The following RPGRIP1L variants were observed in gnomAD, a reference collection of about 807,000 sequenced individuals.
RPGRIP1L encodes protein fantom.
Under a neutral mutation model 160.4 loss-of-function variants are expected in RPGRIP1L, and 131 were observed. That is an observed-to-expected ratio of 0.82 (90% CI 0.71 to 0.94). RPGRIP1L has a LOEUF of 0.94. Ranked by LOEUF, RPGRIP1L falls within the 40% of genes least tolerant of loss-of-function variation. The probability of loss-of-function intolerance (pLI) is 0.00; values close to 1 mark genes in which losing one functional copy is unlikely to be tolerated. For missense variants in RPGRIP1L, 1,522 were observed against 1,535.8 expected, an observed-to-expected ratio of 0.99 and a Z score of 0.15; for synonymous variants, 510 against 515.8, an observed-to-expected ratio of 0.99 and a Z score of 0.15.
chr16:53,646,995 C>T (rs1966597651), intron 16 of RPGRIP1L, among the ~76,000 whole-genome samples: 1 of 140,634 alleles, frequency 7.1e-6, no homozygotes, highest in Non-Finnish European at 1.6e-5. Flanking sequence ...AGTACCTCCA[C>T]TTCTCCCCTT....
chr16:53,680,282 A>T (rs1432471979), intron 6 of RPGRIP1L, among the ~76,000 whole-genome samples: 3 of 152,158 alleles, frequency 2.0e-5, no homozygotes, highest in African/African-American at 7.2e-5. Flanking sequence ...AATATATTTT[A>T]AAAAATGACA....
intron 9 of RPGRIP1L, among the ~76,000 whole-genome samples, chr16:53,668,048 A>G (rs1490972982): frequency 1.3e-5 from 2 of 150,254 alleles, no homozygotes; most frequent in Non-Finnish European, 3.0e-5. Context: ...ACAGAGCAAG[A>G]TCCTGTCTCT....
At chr16:53,673,263 T>C (rs76259720) in intron 7 of RPGRIP1L, among the ~76,000 whole-genome samples, 3 of 152,180 alleles carry the variant, frequency 2.0e-5, no homozygotes, top group Admixed American at 6.5e-5. Flanking sequence ...CATATTTTAT[T>C]TCCTCCTAGT....
rs1964627347 is a variant in RPGRIP1L, at chr16:53,620,323, A to G, written c.3433-1115T>C. Among the ~76,000 whole-genome samples the G allele has an allele frequency of 2.0e-5, 3 of 152,196 alleles. No homozygotes were observed. In the South Asian group the frequency reaches 6.2e-4, roughly 31 times the overall value. ...TGTCAAACCCTCTCAATATTTGATG[A>G]AGTAATTTTACCCCCTTCTTTCAAA... On this transcript the variant is annotated intron_variant, in intron 23 of 26. Transcript: ENST00000647211.
At chr16:53,691,495 T>G (rs1437406409) in intron 4 of RPGRIP1L, among the ~76,000 whole-genome samples, 1 of 152,222 alleles carries the variant, frequency 6.6e-6, no homozygotes, top group Non-Finnish European at 1.5e-5. Flanking sequence ...TATCCTTACT[T>G]GTTTCAATCC....
intron 22 of RPGRIP1L, among the ~76,000 whole-genome samples, chr16:53,630,128 C>G (rs910165843): frequency 6.6e-6 from 1 of 152,092 alleles, no homozygotes; most frequent in Non-Finnish European, 1.5e-5. Flanking sequence ...CTCTGCAGCC[C>G]TGAACTCCTG....
intron 6 of RPGRIP1L, among the ~76,000 whole-genome samples, chr16:53,680,077 T>A (rs982223242): frequency 6.6e-6 from 1 of 152,210 alleles, no homozygotes. Flanking sequence ...ATGCATACAC[T>A]CATATACTAG....
At chr16:53,611,463 A>T (rs1027837410) in intron 24 of RPGRIP1L, among the ~76,000 whole-genome samples, 1 of 152,242 alleles carries the variant, frequency 6.6e-6, no homozygotes, top group Non-Finnish European at 1.5e-5. Flanking sequence ...TGACAGCCTC[A>T]GTAATTTAAT....
At chr16:53,679,161 G>A (rs74018185) in intron 6 of RPGRIP1L, among the ~76,000 whole-genome samples, 1,622 of 152,174 alleles carry the variant, frequency 0.011, 16 homozygotes, top group Middle Eastern at 0.054. Flanking sequence ...TGTGGTGTTG[G>A]GTCAAACTAT....
chr16:53,641,297 G>A lies in RPGRIP1L; in HGVS notation c.2862C>T (p.Ser954=). 1 of 1,613,844 alleles carries A rather than the reference G, an allele frequency of 6.2e-7. No homozygotes were observed. Among genetic ancestry groups the A allele is most frequent in the Non-Finnish European group, 8.5e-7 (1 of 1,179,850 alleles). Residue 954 remains serine, a synonymous_variant, in exon 18 of 27, where the codon AGC becomes AGT. Coordinates refer to ENST00000647211, the MANE Select transcript of RPGRIP1L (RefSeq NM_015272.5). ...CACTGATACTCACTAAAACTAGTGTGCTAACAGAGGATGCTGGAGGAAGTC... is the reference window on the plus strand; with the variant it reads ...CACTGATACTCACTAAAACTAGTGTACTAACAGAGGATGCTGGAGGAAGTC... ...VQRLPPASSV[S]TLVLAPRPKP...
intron 15 of RPGRIP1L, among the ~76,000 whole-genome samples, chr16:53,652,328 C>T (rs1966868761): frequency 6.6e-6 from 1 of 152,152 alleles, no homozygotes; most frequent in African/African-American, 2.4e-5. Context: ...CTGCCTCGGC[C>T]TCCCAAAGTG....
At chr16:53,681,060 C>T (rs1052884874) in intron 6 of RPGRIP1L, among the ~76,000 whole-genome samples, 1 of 152,162 alleles carries the variant, frequency 6.6e-6, no homozygotes, top group African/African-American at 2.4e-5. Flanking sequence ...AAAAGTTGGG[C>T]ATAACCTAGA....
At chr16:53,661,795 C>T (rs896664559) in intron 10 of RPGRIP1L, among the ~76,000 whole-genome samples, 8 of 152,060 alleles carry the variant, frequency 5.3e-5, no homozygotes, top group South Asian at 2.1e-4. Context: ...GTTTCAACAA[C>T]GATATCTCCA....
At chr16:53,701,608 G>C (rs1448989106) in intron 1 of RPGRIP1L, 1 of 151,344 alleles carries the variant, frequency 6.6e-6, no homozygotes, top group African/African-American at 2.4e-5. Flanking sequence ...ATACTCTAAA[G>C]GGCAGAGTTC....
chr16:53,607,882 A>G, intron 25 of RPGRIP1L: 1 of 538,158 alleles, frequency 1.9e-6, no homozygotes, highest in South Asian at 8.1e-5. Flanking sequence ...AATTTTTAAA[A>G]AATAACGAAA....
rs900764894 is a variant in RPGRIP1L, at chr16:53,697,960, C to T, written c.86-1665G>A. ...GCCATCCCATCTAGGAAGTGAGGAG[C>T]GTCTCTGCCCGGCCGCCCATCGTCT... On this transcript the variant is annotated intron_variant, in intron 2 of 26. Transcript: ENST00000647211. Among the ~76,000 whole-genome samples, 10 of 151,738 alleles carry T rather than the reference C, an allele frequency of 6.6e-5. No homozygotes were observed. The South Asian group carries it at 1.3e-3, about 19-fold the overall frequency.
chr16:53,635,105 GA>G (rs1220315631), intron 22 of RPGRIP1L, among the ~76,000 whole-genome samples: 2 of 152,028 alleles, frequency 1.3e-5, no homozygotes, highest in African/African-American at 4.8e-5. Flanking sequence ...TTATTAGAAA[GA>G]AAAAATATAT....
At chr16:53,667,231 C>T (rs978006414) in intron 9 of RPGRIP1L, among the ~76,000 whole-genome samples, 5 of 152,316 alleles carry the variant, frequency 3.3e-5, no homozygotes, top group Middle Eastern at 3.4e-3. Flanking sequence ...CCCATTGCTG[C>T]TTGTGGTCAC....
intron 5 of RPGRIP1L, among the ~76,000 whole-genome samples, chr16:53,687,653 C>T (rs1970112289): frequency 6.6e-6 from 1 of 152,102 alleles, no homozygotes; most frequent in Non-Finnish European, 1.5e-5. Flanking sequence ...AAGACTATTA[C>T]ATAAATCCTT....
Sources: gnomAD v4.1 joint callset for allele counts (sites outside exome capture counted in the v4.1 genomes callset) on GRCh38, gnomAD v4.1.1 for gene constraint, MANE v1.5 for transcripts, NCBI Gene and HGNC (gene_info 2026-07-23, HGNC 2026-07-21) for gene names.